Variants in STK33 observed in about 807,000 individuals in gnomAD.
STK33 encodes the protein serine/threonine kinase 33, also known as serine/threonine-protein kinase 33.
In STK33, 52 loss-of-function variants were observed where a neutral mutation model predicts 58.0. That is an observed-to-expected ratio of 0.90 (90% CI 0.72 to 1.13). The LOEUF (loss-of-function observed/expected upper bound fraction) is 1.13, where lower values mean the gene tolerates loss of function less well. Among genes scored for constraint, STK33 ranks in the 50% most tolerant of loss-of-function variants. The pLI, the probability that STK33 is intolerant of heterozygous loss-of-function variation, is 0.00. For synonymous variants in STK33, 215 were observed against 200.1 expected (o/e 1.07, Z -0.63); for missense variants, 630 against 604.2 (o/e 1.04, Z -0.45).
Position 8,435,558 on chromosome 11 carries a change from A to G in STK33, c.1082T>C (p.Leu361Pro). The G allele has an allele frequency of 6.7e-7, 1 of 1,502,996 alleles. No individual in the cohort carries two copies. The highest frequency in any genetic ancestry group is 9.0e-7 in the Non-Finnish European group (1 of 1,116,054). 93.1% of individuals were successfully genotyped at this position (1,502,996 alleles called of 1,614,324 possible). A position where few individuals can be genotyped will look rare whatever the true frequency, so the allele number is the denominator to read the frequency against. The change falls in exon 14 of 16, where the codon CTT becomes CCT. Residue 361 changes from leucine to proline, a missense_variant. Physicochemically the swap from Leu to Pro is moderately conservative, Grantham distance 98. Coordinates refer to ENST00000687296, the MANE Select transcript of STK33 (RefSeq NM_001352389.2). The part of the protein sequence containing the change: ...SDCAKSVLKQ[L>P]MKVDPAHRIT... ...TCTGTGAGCAGGATCTACTTTCATA[A>G]GTTGTTTCAAAACACTTTTAGCTAA...
the STK33 span, among the ~76,000 whole-genome samples, chr11:8,385,556 T>C: frequency 6.6e-6 from 1 of 152,344 alleles, no homozygotes; most frequent in East Asian, 1.9e-4. Context: ...GCACTCTATA[T>C]AGAAATGCCT....
intron 15 of STK33, among the ~76,000 whole-genome samples, chr11:8,395,368 G>GT (rs1849157823): frequency 6.6e-6 from 1 of 152,164 alleles, no homozygotes; most frequent in South Asian, 2.1e-4. Context: ...CACCTAAGGC[G>GT]TATCTTTGCT....
chr11:8,415,411 T>C (rs1387607638), intron 14 of STK33, among the ~76,000 whole-genome samples: 37 of 152,232 alleles, frequency 2.4e-4, no homozygotes, highest in Admixed American at 2.3e-3. Context: ...TGATTCATGA[T>C]TGGAAATGGT....
intron 1 of STK33, among the ~76,000 whole-genome samples, chr11:8,547,684 C>A (rs1956031455): frequency 6.6e-6 from 1 of 152,284 alleles, no homozygotes; most frequent in South Asian, 2.1e-4. Flanking sequence ...TGTTGCTTCA[C>A]TCTGTTGTTT....
chr11:8,530,278 G>T (rs753925499), intron 1 of STK33, among the ~76,000 whole-genome samples: 45 of 152,110 alleles, frequency 3.0e-4, no homozygotes, highest in Middle Eastern at 3.4e-3. Flanking sequence ...GGTCAGACAT[G>T]GGGAGATAGC....
intron 1 of STK33, among the ~76,000 whole-genome samples, chr11:8,585,207 G>C (rs1204183459): frequency 7.2e-6 from 1 of 139,706 alleles, no homozygotes; most frequent in African/African-American, 2.7e-5. Context: ...ACAGGTGTGA[G>C]CCACTGCACC....
chr11:8,592,629 T>C (rs1285805157), intron 1 of STK33, among the ~76,000 whole-genome samples: 2 of 152,304 alleles, frequency 1.3e-5, no homozygotes, highest in East Asian at 3.9e-4. Context: ...TTATTTTTTT[T>C]TGAGACAGGG....
chr11:8,494,944 T>G (rs984297150), intron 1 of STK33, among the ~76,000 whole-genome samples: 3 of 152,058 alleles, frequency 2.0e-5, no homozygotes, highest in African/African-American at 7.2e-5. Context: ...AAAAATTAAC[T>G]CAAGATGGAT....
chr11:8,493,353 T>A (rs975567966), intron 1 of STK33, among the ~76,000 whole-genome samples: 4 of 150,314 alleles, frequency 2.7e-5, no homozygotes, highest in African/African-American at 7.4e-5. Context: ...CTAGAAAAAA[T>A]TGATAAATTC....
intron 15 of STK33, among the ~76,000 whole-genome samples, chr11:8,400,468 C>T (rs1937638111): frequency 6.6e-6 from 1 of 152,124 alleles, no homozygotes; most frequent in African/African-American, 2.4e-5. Flanking sequence ...TGGGACGTAT[C>T]TCAAAATAAT....
intron 1 of STK33, among the ~76,000 whole-genome samples, chr11:8,518,662 G>T (rs1397907607): frequency 6.6e-6 from 1 of 152,050 alleles, no homozygotes; most frequent in African/African-American, 2.4e-5. Flanking sequence ...CAAGCAAGTG[G>T]AAAACAAAAA....
intron 1 of STK33, among the ~76,000 whole-genome samples, chr11:8,551,464 C>T (rs1170402891): frequency 6.6e-6 from 1 of 152,130 alleles, no homozygotes; most frequent in Admixed American, 6.5e-5. Context: ...TTTCATAGAT[C>T]TTCAATGCTT....
chr11:8,421,972 C>T (rs1234186487), intron 14 of STK33, among the ~76,000 whole-genome samples: 2 of 152,038 alleles, frequency 1.3e-5, no homozygotes, highest in African/African-American at 4.8e-5. Flanking sequence ...TTGTAGATTA[C>T]TATAAATAAT....
intron 15 of STK33, among the ~76,000 whole-genome samples, chr11:8,393,540 T>C (rs1449501597): frequency 2.0e-5 from 3 of 152,076 alleles, no homozygotes; most frequent in Non-Finnish European, 4.4e-5. Flanking sequence ...GTAGAGATTG[T>C]CTCAGGAGAC....
chr11:8,575,672 C>T (rs1958131169), intron 1 of STK33, among the ~76,000 whole-genome samples: 1 of 151,956 alleles, frequency 6.6e-6, no homozygotes. Context: ...AGTGGATAAC[C>T]AGCTAATGCC....
intron 15 of STK33, 45 bp downstream of exon 15, chr11:8,413,450 A>T (rs1183151727): frequency 6.3e-7 from 1 of 1,596,968 alleles, no homozygotes; most frequent in Admixed American, 1.7e-5. Flanking sequence ...AGGTGTGGTG[A>T]GGGTATTTTA....
chr11:8,494,128 T>G (rs1356930556), intron 1 of STK33, among the ~76,000 whole-genome samples: 1 of 152,084 alleles, frequency 6.6e-6, no homozygotes, highest in Non-Finnish European at 1.5e-5. Flanking sequence ...AAATGAAGGG[T>G]ACTCAATTAG....
At chr11:8,396,125 T>C (rs1333010878) in intron 15 of STK33, among the ~76,000 whole-genome samples, 1 of 152,092 alleles carries the variant, frequency 6.6e-6, no homozygotes, top group South Asian at 2.1e-4. Context: ...TTTTTTGAGG[T>C]GGAGTTTTGC....
At chr11:8,455,526 C>G (rs1277779589) in intron 9 of STK33, among the ~76,000 whole-genome samples, 1 of 152,054 alleles carries the variant, frequency 6.6e-6, no homozygotes. Flanking sequence ...AAGTTATACA[C>G]GGCCAGGCGC....
Sources: gnomAD v4.1 joint callset for allele counts (sites outside exome capture counted in the v4.1 genomes callset) on GRCh38, gnomAD v4.1.1 for gene constraint, MANE v1.5 for transcripts, NCBI Gene and HGNC (gene_info 2026-07-23, HGNC 2026-07-21) for gene names.